The following ANKRD45 variants were observed in gnomAD, a reference collection of about 807,000 sequenced individuals.
The protein encoded by ANKRD45 is ankyrin repeat domain 45, also known as ankyrin repeat domain-containing protein 45.
In ANKRD45, 21 loss-of-function variants were observed where a neutral mutation model predicts 28.1. The observed-to-expected ratio is 0.75, with a 90% CI of 0.53 to 1.08. The LOEUF is 1.08. ANKRD45 is among the 50% of genes least tolerant of loss of function. The probability of loss-of-function intolerance (pLI) is 0.00; values close to 1 mark genes in which losing one functional copy is unlikely to be tolerated. For missense variants in ANKRD45, 261 were observed against 308.7 expected (o/e 0.85, Z 1.16); for synonymous variants, 86 against 103.9 (o/e 0.83, Z 1.05).
intron 3 of ANKRD45, among the ~76,000 whole-genome samples, chr1:173,633,995 T>C (rs1002009575): frequency 1.3e-5 from 2 of 151,982 alleles, no homozygotes; most frequent in African/African-American, 4.8e-5. Context: ...AATGGGATTA[T>C]TACGTTAAAA....
Position 173,613,754 on chromosome 1 carries a change from C to A in ANKRD45, c.731-3539G>T, listed in dbSNP as rs573844361. Among the ~76,000 whole-genome samples the A allele has an allele frequency of 7.2e-5, 11 of 152,348 alleles. No homozygotes were observed. The South Asian group carries it at 2.1e-3, about 29-fold the overall frequency. On this transcript the variant is annotated intron_variant, in intron 5 of 5. Transcript: ENST00000333279. ...AGGATCCCCTCTACCCGGCCACCACCCCGTCTGGGAGGTGTACCCAACAGC... is the reference window on the plus strand; with the variant it reads ...AGGATCCCCTCTACCCGGCCACCACACCGTCTGGGAGGTGTACCCAACAGC...
intron 2 of ANKRD45, among the ~76,000 whole-genome samples, chr1:173,648,943 G>T (rs1669054900): frequency 6.6e-6 from 1 of 152,104 alleles, no homozygotes; most frequent in African/African-American, 2.4e-5. Flanking sequence ...GTGGAAAGCT[G>T]GGGTTTTAAC....
rs1256946605 is a variant in ANKRD45 at position 173,624,893 on chromosome 1, A to AT, written c.623dup (p.Asn208LysfsTer2). Reference sequence around the variant, plus strand: ...CTTCTGTATGGGTTTCCAACCACTCATTTTTTGCACGGCATGCACTGAGGA... The same window carrying AT: ...CTTCTGTATGGGTTTCCAACCACTCATTTTTTTGCACGGCATGCACTGAGGA... On this transcript the variant is annotated frameshift_variant, in exon 5 of 6. Transcript: ENST00000333279. LOFTEE classifies it high-confidence loss of function. The AT allele has an allele frequency of 6.8e-6, 11 of 1,613,652 alleles. No individual in the cohort carries two copies. The highest frequency in any genetic ancestry group is 3.3e-5 in the Admixed American group (2 of 59,980).
At chr1:173,682,710 C>T in the ANKRD45 span, among the ~76,000 whole-genome samples, 2 of 151,974 alleles carry the variant, frequency 1.3e-5, no homozygotes, top group African/African-American at 2.4e-5. Flanking sequence ...CACACACACA[C>T]ACACACACAC....
chr1:173,614,655 A>C (rs912203459), intron 5 of ANKRD45, among the ~76,000 whole-genome samples: 8 of 152,152 alleles, frequency 5.3e-5, no homozygotes, highest in Non-Finnish European at 1.0e-4. Context: ...AAAGCAGAGA[A>C]AAATCTGAGG....
intron 5 of ANKRD45, among the ~76,000 whole-genome samples, chr1:173,613,515 GC>G (rs1259697819): frequency 6.9e-6 from 1 of 144,884 alleles, no homozygotes; most frequent in Non-Finnish European, 1.5e-5. Context: ...TGGGGGCTCA[GC>G]CCCCGCCCGG....
In ANKRD45 at chr1:173,610,044, T is replaced by C. The variant is rs1667074181; in HGVS notation, c.*101A>G. ...AGGGCGATGTAATGTTGTACTTAAA[T>C]ACTTAAAGAAACCCACATCTGTTTT... On this transcript the variant is annotated 3_prime_UTR_variant, in exon 6 of 6. Coordinates refer to ENST00000333279, the MANE Select transcript of ANKRD45 (RefSeq NM_198493.3). 6 of 1,209,034 alleles carry C rather than the reference T, an allele frequency of 5.0e-6. No homozygotes were observed. Among genetic ancestry groups the C allele is most frequent in the Non-Finnish European group, 7.3e-6 (6 of 827,096 alleles). 74.9% of individuals were successfully genotyped at this position (1,209,034 alleles called of 1,614,324 possible). A position where few individuals can be genotyped will look rare whatever the true frequency, so the allele number is the denominator to read the frequency against.
At chr1:173,644,695 T>C (rs1166012705) in intron 3 of ANKRD45, among the ~76,000 whole-genome samples, 1 of 152,050 alleles carries the variant, frequency 6.6e-6, no homozygotes, top group East Asian at 1.9e-4. Flanking sequence ...AAAAATGGAT[T>C]TTAAATTATG....
the ANKRD45 span, among the ~76,000 whole-genome samples, chr1:173,688,337 T>TC: frequency 1.9e-5 from 2 of 105,740 alleles, no homozygotes; most frequent in Non-Finnish European, 4.6e-5. Flanking sequence ...TGACTCCCTC[T>TC]TTCTCTCTCT....
At chr1:173,651,032 T>C (rs771870279) in intron 2 of ANKRD45, among the ~76,000 whole-genome samples, 1 of 152,034 alleles carries the variant, frequency 6.6e-6, no homozygotes, top group Non-Finnish European at 1.5e-5. Context: ...TTTTCTCCCA[T>C]CCTGTAGGTT....
At chr1:173,618,662 T>C (rs546616779) in intron 5 of ANKRD45, among the ~76,000 whole-genome samples, 69 of 152,260 alleles carry the variant, frequency 4.5e-4, no homozygotes, top group African/African-American at 1.6e-3. Flanking sequence ...CTATGACTGA[T>C]TGGGGTACCT....
the ANKRD45 span, among the ~76,000 whole-genome samples, chr1:173,702,788 C>G: frequency 1.4e-5 from 2 of 146,616 alleles, no homozygotes; most frequent in South Asian, 4.4e-4. Context: ...GTGGTGCAAT[C>G]ACAGCTCACT....
chr1:173,699,147 C>A, the ANKRD45 span, among the ~76,000 whole-genome samples: 1 of 152,076 alleles, frequency 6.6e-6, no homozygotes, highest in Admixed American at 6.6e-5. Flanking sequence ...CTGAATAGAA[C>A]AATAACAGGA....
Position 173,643,982 on chromosome 1 carries a change from T to C in ANKRD45, c.496+2864A>G, listed in dbSNP as rs571518172. ...CCCACCTTCACATTTCTAGAAATGTTTGTTTCATACTTTCAGAGTTCTGAA... is the reference window on the plus strand; with the variant it reads ...CCCACCTTCACATTTCTAGAAATGTCTGTTTCATACTTTCAGAGTTCTGAA... On this transcript the variant is annotated intron_variant, in intron 3 of 5. Coordinates refer to ENST00000333279, the MANE Select transcript of ANKRD45 (RefSeq NM_198493.3). 5.9e-4 allele frequency among the ~76,000 whole-genome samples: 90 copies of C among 152,318 alleles called. 1 individual carries two copies. Among genetic ancestry groups the C allele is most frequent in the African/African-American group, 2.1e-3 (87 of 41,572 alleles).
chr1:173,700,052 G>A, the ANKRD45 span, among the ~76,000 whole-genome samples: 7 of 152,096 alleles, frequency 4.6e-5, no homozygotes, highest in Admixed American at 1.3e-4. Context: ...GCCAAATCAC[G>A]TGTGACTTCC....
chr1:173,698,101 C>A, the ANKRD45 span, among the ~76,000 whole-genome samples: 136 of 152,222 alleles, frequency 8.9e-4, no homozygotes, highest in African/African-American at 3.0e-3. Context: ...ATCAATTCAA[C>A]AAGAAGAGCT....
intron 5 of ANKRD45, among the ~76,000 whole-genome samples, chr1:173,621,805 A>G (rs956283755): frequency 6.6e-6 from 1 of 152,190 alleles, no homozygotes; most frequent in Non-Finnish European, 1.5e-5. Context: ...AATTCTGGCT[A>G]GGGAAATCAG....
chr1:173,629,951 A>G (rs1187696078), intron 3 of ANKRD45, among the ~76,000 whole-genome samples: 1 of 152,226 alleles, frequency 6.6e-6, no homozygotes, highest in Non-Finnish European at 1.5e-5. Flanking sequence ...CGGAACTCCA[A>G]TACATCTAGC....
At chr1:173,646,641 A>T (rs1036607067) in intron 3 of ANKRD45, among the ~76,000 whole-genome samples, 1 of 152,234 alleles carries the variant, frequency 6.6e-6, no homozygotes, top group Non-Finnish European at 1.5e-5. Context: ...ACTAGCTTCC[A>T]ATATGTTCAG....
Sources: gnomAD v4.1 joint callset for allele counts (sites outside exome capture counted in the v4.1 genomes callset) on GRCh38, gnomAD v4.1.1 for gene constraint, MANE v1.5 for transcripts, NCBI Gene and HGNC (gene_info 2026-07-23, HGNC 2026-07-21) for gene names.